The following CNTNAP2 variants were observed in gnomAD, a reference collection of about 807,000 sequenced individuals.
CNTNAP2 encodes contactin-associated protein-like 2.
A neutral mutation model predicts 155.2 loss-of-function variants in CNTNAP2; 98 were observed. The ratio of observed to expected loss-of-function variants is 0.63; its 90% CI spans 0.54 to 0.75. CNTNAP2 has a LOEUF of 0.75. CNTNAP2 is among the 30% of genes least tolerant of loss of function. The pLI is 0.00. For missense variants in CNTNAP2, 1,727 were observed against 1,688.1 expected, an observed-to-expected ratio of 1.02 and a Z score of -0.40; for synonymous variants, 651 against 631.2, an observed-to-expected ratio of 1.03 and a Z score of -0.47.
At position 146,207,189 on chromosome 7, in the gene CNTNAP2, C is replaced by T. The variant is rs147088340; in HGVS notation, c.97+90216C>T. On this transcript the variant is annotated intron_variant, in intron 1 of 23. Coordinates refer to ENST00000361727, the MANE Select transcript of CNTNAP2 (RefSeq NM_014141.6). ...GCTTTCATTCTAATTTATTGTGACCCCATATATCTACAAGTGTAATTGGAC... is the reference window on the plus strand; with the variant it reads ...GCTTTCATTCTAATTTATTGTGACCTCATATATCTACAAGTGTAATTGGAC... Among the ~76,000 whole-genome samples, 27 of 152,090 alleles carry T rather than the reference C, an allele frequency of 1.8e-4. No individual in the cohort carries two copies. In the East Asian group the frequency reaches 4.8e-3, roughly 27 times the overall value.
intron 11 of CNTNAP2, among the ~76,000 whole-genome samples, chr7:147,498,622 T>G (rs1411725143): frequency 6.6e-6 from 1 of 152,206 alleles, no homozygotes; most frequent in East Asian, 1.9e-4. Flanking sequence ...AAGAAAAATG[T>G]TTATTAATAA....
chr7:147,964,780 G>T (rs1439230891), intron 14 of CNTNAP2, among the ~76,000 whole-genome samples: 1 of 152,102 alleles, frequency 6.6e-6, no homozygotes, highest in East Asian at 1.9e-4. Flanking sequence ...AATCATAAAT[G>T]GTTCACCCTC....
intron 3 of CNTNAP2, among the ~76,000 whole-genome samples, chr7:146,915,115 A>G (rs1303707331): frequency 6.6e-6 from 1 of 152,028 alleles, no homozygotes; most frequent in African/African-American, 2.4e-5. Context: ...TTTTTCAAAG[A>G]TCAGTTGACT....
chr7:147,733,009 C>G (rs868295615), intron 13 of CNTNAP2, among the ~76,000 whole-genome samples: 1 of 152,074 alleles, frequency 6.6e-6, no homozygotes, highest in South Asian at 2.1e-4. Flanking sequence ...ATGGTAGTTT[C>G]TTTTTTGTGC....
intron 13 of CNTNAP2, among the ~76,000 whole-genome samples, chr7:147,896,555 G>T (rs190583170): frequency 5.4e-4 from 82 of 152,268 alleles, no homozygotes; most frequent in African/African-American, 1.8e-3. Flanking sequence ...GATTGGTCAG[G>T]AATGAAACCA....
At chr7:148,331,438 G>A (rs1296825448) in intron 21 of CNTNAP2, among the ~76,000 whole-genome samples, 4 of 141,410 alleles carry the variant, frequency 2.8e-5, no homozygotes, top group African/African-American at 5.4e-5. Flanking sequence ...TGGAGTGGAC[G>A]TATGGAATGG....
At chr7:148,155,654 A>T (rs1378611409) in intron 17 of CNTNAP2, among the ~76,000 whole-genome samples, 1 of 152,208 alleles carries the variant, frequency 6.6e-6, no homozygotes, top group Non-Finnish European at 1.5e-5. Flanking sequence ...CTGGGTTGTA[A>T]AACTGGCAAA....
rs540198215 is a variant in CNTNAP2 at position 146,213,729 on chromosome 7, A to G, written c.97+96756A>G. Among the ~76,000 whole-genome samples the G allele has an allele frequency of 7.2e-5, 11 of 152,318 alleles. No individual in the cohort carries two copies. The East Asian group carries it at 1.9e-3, about 27-fold the overall frequency. ...TCTAATTCAGATATAAATATTAGCA[A>G]TAAGGATGAGTACCTCATAATCTTT... is the stretch of plus-strand genomic sequence containing the variant. On this transcript the variant is annotated intron_variant, in intron 1 of 23. Transcript: ENST00000361727.
chr7:147,941,590 C>T (rs73743657), intron 14 of CNTNAP2, among the ~76,000 whole-genome samples: 4,935 of 152,270 alleles, frequency 0.032, 257 homozygotes, highest in African/African-American at 0.11. Flanking sequence ...GCAGTGGGTA[C>T]ACAAACATGT....
At chr7:147,748,430 G>A (rs1035668784) in intron 13 of CNTNAP2, among the ~76,000 whole-genome samples, 1 of 152,034 alleles carries the variant, frequency 6.6e-6, no homozygotes, top group African/African-American at 2.4e-5. Context: ...CCCTTTGATT[G>A]GACCCTTTAT....
intron 10 of CNTNAP2, among the ~76,000 whole-genome samples, chr7:147,440,971 C>T (rs1268066464): frequency 1.3e-5 from 2 of 151,942 alleles, no homozygotes; most frequent in African/African-American, 4.8e-5. Flanking sequence ...GCTTGTTGTT[C>T]GATAATCTTC....
At chr7:147,987,687 T>C (rs1043605806) in intron 15 of CNTNAP2, among the ~76,000 whole-genome samples, 1 of 152,134 alleles carries the variant, frequency 6.6e-6, no homozygotes, top group Admixed American at 6.5e-5. Context: ...CTATTTTATG[T>C]TATTTTATTT....
At chr7:147,329,703 T>C (rs1795522200) in intron 9 of CNTNAP2, among the ~76,000 whole-genome samples, 1 of 151,818 alleles carries the variant, frequency 6.6e-6, no homozygotes, top group African/African-American at 2.4e-5. Context: ...AGTCTTGATA[T>C]ATGGTTCTTA....
intron 1 of CNTNAP2, among the ~76,000 whole-genome samples, chr7:146,556,409 T>A (rs1798198543): frequency 6.6e-6 from 1 of 152,196 alleles, no homozygotes; most frequent in African/African-American, 2.4e-5. Context: ...AAATAATATT[T>A]ACCTCACAGT....
intron 13 of CNTNAP2, among the ~76,000 whole-genome samples, chr7:147,750,522 A>G (rs1400559944): frequency 6.6e-6 from 1 of 152,220 alleles, no homozygotes; most frequent in Admixed American, 6.5e-5. Flanking sequence ...ACTTTTTAAA[A>G]AAGTCAAATT....
intron 9 of CNTNAP2, among the ~76,000 whole-genome samples, chr7:147,302,819 A>G (rs1436816034): frequency 6.6e-6 from 1 of 152,244 alleles, no homozygotes; most frequent in African/African-American, 2.4e-5. Flanking sequence ...AGAGGGCAAA[A>G]GAAGGGAAGT....
At chr7:147,973,332 T>C (rs1315027997) in intron 14 of CNTNAP2, among the ~76,000 whole-genome samples, 2 of 152,164 alleles carry the variant, frequency 1.3e-5, no homozygotes, top group African/African-American at 4.8e-5. Context: ...GGATCCCTGT[T>C]TAGATCTTTG....
At chr7:147,403,927 G>A (rs898120058) in intron 10 of CNTNAP2, among the ~76,000 whole-genome samples, 35 of 151,928 alleles carry the variant, frequency 2.3e-4, no homozygotes, top group Admixed American at 6.6e-5. Flanking sequence ...CCTCTAGGTC[G>A]GACACCTCCT....
chr7:146,436,747 T>G (rs2129118329), intron 1 of CNTNAP2, among the ~76,000 whole-genome samples: 1 of 147,432 alleles, frequency 6.8e-6, no homozygotes, highest in African/African-American at 2.7e-5. Context: ...TTTATGAAAT[T>G]TCTTAAACAG....
Sources: gnomAD v4.1 joint callset for allele counts (sites outside exome capture counted in the v4.1 genomes callset) on GRCh38, gnomAD v4.1.1 for gene constraint, MANE v1.5 for transcripts, NCBI Gene and HGNC (gene_info 2026-07-23, HGNC 2026-07-21) for gene names.